Variants in BCAS2 observed in about 807,000 individuals in gnomAD.
BCAS2 encodes BCAS2 pre-mRNA processing factor, also known as pre-mRNA-splicing factor SPF27.
Under a neutral mutation model 35.3 loss-of-function variants are expected in BCAS2, and 34 were observed. The observed-to-expected ratio is 0.96, with a 90% CI of 0.73 to 1.28. The LOEUF (loss-of-function observed/expected upper bound fraction) is 1.28. Ranked by LOEUF, BCAS2 falls within the 50% of genes most tolerant of loss-of-function variation. The probability of loss-of-function intolerance (pLI) is 0.00; values close to 1 mark genes in which losing one functional copy is unlikely to be tolerated. For missense variants in BCAS2, 221 were observed against 268.1 expected, an observed-to-expected ratio of 0.82 and a Z score of 1.23; for synonymous variants, 75 against 91.6, an observed-to-expected ratio of 0.82 and a Z score of 1.03.
intron 2 of BCAS2, among the ~76,000 whole-genome samples, chr1:114,579,676 G>A (rs1654842118): frequency 6.6e-6 from 1 of 152,082 alleles, no homozygotes; most frequent in Non-Finnish European, 1.5e-5. Flanking sequence ...GACCAGCCTG[G>A]CCAACATGGT....
intron 2 of BCAS2, among the ~76,000 whole-genome samples, chr1:114,579,226 A>C (rs2101631110): frequency 6.6e-6 from 1 of 152,282 alleles, no homozygotes. Context: ...CAGTGAGCCG[A>C]GGAGTTGCAC....
intron 3 of BCAS2, among the ~76,000 whole-genome samples, chr1:114,576,260 T>C (rs1213347429): frequency 2.7e-5 from 4 of 149,640 alleles, no homozygotes; most frequent in East Asian, 2.0e-4. Flanking sequence ...TATATATATA[T>C]ATATAGTTTT....
intron 2 of BCAS2, among the ~76,000 whole-genome samples, chr1:114,578,333 T>C (rs775312203): frequency 3.3e-5 from 5 of 151,406 alleles, no homozygotes; most frequent in Non-Finnish European, 7.4e-5. Flanking sequence ...CCTAGTTTCC[T>C]GCAAAAAAAA....
At chr1:114,568,963 G>C (rs563966552) in intron 6 of BCAS2, among the ~76,000 whole-genome samples, 2 of 151,100 alleles carry the variant, frequency 1.3e-5, no homozygotes, top group African/African-American at 4.9e-5. Flanking sequence ...ACAGGGTCTC[G>C]TTATGTTGCC....
At chr1:114,577,896 T>C (rs1289234145) in intron 2 of BCAS2, among the ~76,000 whole-genome samples, 1 of 152,220 alleles carries the variant, frequency 6.6e-6, no homozygotes, top group Non-Finnish European at 1.5e-5. Flanking sequence ...CATGAATGTT[T>C]AAAAGTTTTT....
At chr1:114,568,619 G>C (rs577072360) in intron 6 of BCAS2, among the ~76,000 whole-genome samples, 1 of 151,334 alleles carries the variant, frequency 6.6e-6, no homozygotes, top group East Asian at 1.9e-4. Context: ...CACCCACCTC[G>C]GTCTCCTAAT....
intron 6 of BCAS2, among the ~76,000 whole-genome samples, chr1:114,569,301 GAAT>G (rs1484087307): frequency 6.6e-6 from 1 of 151,824 alleles, no homozygotes; most frequent in African/African-American, 2.4e-5. Context: ...GGTGGAACAA[GAAT>G]GACTTGAGTA....
intron 2 of BCAS2, 52 bp from the exon 3 acceptor site, chr1:114,576,810 A>G (rs1360116334): frequency 8.1e-6 from 11 of 1,361,916 alleles, no homozygotes; most frequent in Non-Finnish European, 1.1e-5. Context: ...ACAACTAAAA[A>G]TTAACAATCA....
chr1:114,579,515 C>G (rs1244687096), intron 2 of BCAS2, among the ~76,000 whole-genome samples: 1 of 152,072 alleles, frequency 6.6e-6, no homozygotes, highest in Non-Finnish European at 1.5e-5. Flanking sequence ...CACCTAGGTA[C>G]AAATATTTAG....
chr1:114,568,744 C>A (rs1654579987), intron 6 of BCAS2, among the ~76,000 whole-genome samples: 1 of 146,394 alleles, frequency 6.8e-6, no homozygotes, highest in Non-Finnish European at 1.5e-5. Context: ...TACATGGAAT[C>A]TCTCTGTATT....
At chr1:114,580,509 C>T (rs777841886) in intron 2 of BCAS2, among the ~76,000 whole-genome samples, 3 of 152,142 alleles carry the variant, frequency 2.0e-5, no homozygotes, top group Non-Finnish European at 4.4e-5. Flanking sequence ...ACATACCCTC[C>T]GCTATAGGTC....
rs753980817 is a variant in BCAS2 at position 114,568,112 on chromosome 1, A to G, written c.*18T>C. ...TTTGTGAAAGCCCAACTTTTCTTCT[A>G]CCTGCTAAATTGTCTTTTCAGAAGT... On this transcript the variant is annotated 3_prime_UTR_variant, in exon 7 of 7. Coordinates refer to ENST00000369541, the MANE Select transcript of BCAS2 (RefSeq NM_005872.3). 6.2e-7 allele frequency: 1 copy of G among 1,611,376 alleles called. No individual in the cohort carries two copies. The highest frequency in any genetic ancestry group is 8.5e-7 in the Non-Finnish European group (1 of 1,179,760).
chr1:114,567,949 G>C lies in BCAS2; in HGVS notation c.*181C>G. ...TGGCTATAAAAATACCACCAAGCTA[G>C]ACATTTTAATTCTGTTGAGATATAC... On this transcript the variant is annotated 3_prime_UTR_variant, in exon 7 of 7. Coordinates refer to ENST00000369541, the MANE Select transcript of BCAS2 (RefSeq NM_005872.3). 1 of 745,832 alleles carries C rather than the reference G, an allele frequency of 1.3e-6. No homozygotes were observed. The highest frequency in any genetic ancestry group is 2.7e-5 in the East Asian group (1 of 37,716). The allele number at this position is 745,832 out of a possible 1,614,324, so 46.2% of individuals were successfully genotyped here. A position where few individuals can be genotyped will look rare whatever the true frequency, so the allele number is the denominator to read the frequency against.
In BCAS2 at chr1:114,567,872, C is replaced by CAA. The variant is rs764615248; in HGVS notation, c.*256_*257dup. On this transcript the variant is annotated 3_prime_UTR_variant, in exon 7 of 7. Transcript: ENST00000369541. ...ATGGCTGAAAATTAATTCTATGACA[C>CAA]AATATTATTCTAAAGTCATCCTTAT... 2 of 328,524 alleles carry CAA rather than the reference C, an allele frequency of 6.1e-6. No individual in the cohort carries two copies. Among genetic ancestry groups the CAA allele is most frequent in the East Asian group, 1.1e-4 (2 of 18,692 alleles). 20.4% of individuals were successfully genotyped at this position (328,524 alleles called of 1,614,324 possible). A position where few individuals can be genotyped will look rare whatever the true frequency, so the allele number is the denominator to read the frequency against.
At chr1:114,580,017 T>C (rs1654849715) in intron 2 of BCAS2, among the ~76,000 whole-genome samples, 1 of 152,050 alleles carries the variant, frequency 6.6e-6, no homozygotes, top group Non-Finnish European at 1.5e-5. Flanking sequence ...TGTAGCAGTC[T>C]TGAACTCCCA....
chr1:114,580,834 G>T (rs1415109346), intron 2 of BCAS2, among the ~76,000 whole-genome samples: 5 of 152,078 alleles, frequency 3.3e-5, no homozygotes, highest in African/African-American at 9.7e-5. Context: ...AAAAGGAGAA[G>T]GCTGAGAAAA....
At chr1:114,568,660 C>T (rs573281229) in intron 6 of BCAS2, among the ~76,000 whole-genome samples, 3 of 151,426 alleles carry the variant, frequency 2.0e-5, no homozygotes, top group Non-Finnish European at 4.4e-5. Flanking sequence ...AGCTACCATG[C>T]CTGGCCTAAC....
chr1:114,576,821 C>T lies in BCAS2; in HGVS notation c.187-63G>A, dbSNP rs1051726286. 1.3e-5 allele frequency: 16 copies of T among 1,278,696 alleles called. No individual in the cohort carries two copies. The African/African-American group carries it at 2.1e-4, about 16-fold the overall frequency. 79.2% of individuals were successfully genotyped at this position (1,278,696 alleles called of 1,614,324 possible). A position where few individuals can be genotyped will look rare whatever the true frequency, so the allele number is the denominator to read the frequency against. ...GTTGACAACTAAAAATTAACAATCACCAAAGAACAGATTTAAGCTACACTA... is the reference window on the plus strand; with the variant it reads ...GTTGACAACTAAAAATTAACAATCATCAAAGAACAGATTTAAGCTACACTA... On this transcript the variant is annotated intron_variant, in intron 2 of 6. Transcript: ENST00000369541.
At chr1:114,580,989 T>C (rs1216373588) in intron 2 of BCAS2, among the ~76,000 whole-genome samples, 2 of 152,194 alleles carry the variant, frequency 1.3e-5, no homozygotes, top group Non-Finnish European at 2.9e-5. Context: ...CCTAGATCAC[T>C]TGCTGTAGAG....
Sources: allele counts gnomAD v4.1 joint callset (sites outside exome capture counted in the v4.1 genomes callset), GRCh38; gene constraint gnomAD v4.1.1; transcripts MANE v1.5; gene names NCBI Gene and HGNC (gene_info 2026-07-23, HGNC 2026-07-21).